The following PGGT1B variants were observed in gnomAD, a reference collection of about 807,000 sequenced individuals.
PGGT1B encodes the protein protein geranylgeranyltransferase type I subunit beta.
A neutral mutation model predicts 46.1 loss-of-function variants in PGGT1B; 30 were observed. The observed-to-expected ratio is 0.65, with a 90% CI of 0.49 to 0.88. The LOEUF is 0.88. Among genes scored for constraint, PGGT1B ranks in the 40% least tolerant of loss-of-function variants. PGGT1B has a pLI of 0.00. For missense variants in PGGT1B, 376 were observed against 455.9 expected, an observed-to-expected ratio of 0.82 and a Z score of 1.60; for synonymous variants, 170 against 160.0, an observed-to-expected ratio of 1.06 and a Z score of -0.47.
intron 1 of PGGT1B, among the ~76,000 whole-genome samples, chr5:115,254,256 GAA>G (rs1343267587): frequency 6.6e-6 from 1 of 151,930 alleles, no homozygotes; most frequent in Non-Finnish European, 1.5e-5. Flanking sequence ...TCCCTTATCT[GAA>G]ATGCTTGGGA....
At chr5:115,247,065 G>A (rs756584396) in intron 2 of PGGT1B, among the ~76,000 whole-genome samples, 3 of 152,038 alleles carry the variant, frequency 2.0e-5, no homozygotes, top group Admixed American at 6.5e-5. Context: ...TTATTTGCAC[G>A]TTTGTACATG....
chr5:115,257,960 C>T (rs1748394719), intron 1 of PGGT1B, among the ~76,000 whole-genome samples: 1 of 152,208 alleles, frequency 6.6e-6, no homozygotes, highest in Non-Finnish European at 1.5e-5. Context: ...TGAAAGACTG[C>T]ATGAATTCTG....
intron 1 of PGGT1B, among the ~76,000 whole-genome samples, chr5:115,257,577 AC>A (rs1162578240): frequency 1.3e-5 from 2 of 151,064 alleles, no homozygotes; most frequent in Non-Finnish European, 3.0e-5. Flanking sequence ...TATAGTCTGG[AC>A]AGTGGAAAAA....
At chr5:115,251,601 C>T (rs956083992) in intron 2 of PGGT1B, among the ~76,000 whole-genome samples, 1 of 152,042 alleles carries the variant, frequency 6.6e-6, no homozygotes, top group African/African-American at 2.4e-5. Context: ...CTATAACCTA[C>T]AGCTTGAGTT....
rs1401766639 is a variant in PGGT1B, at chr5:115,209,319, A to C, written c.*3083T>G. ...ACAGCGTAAAACCCAGACAGCTCTA[A>C]TGCAATCAGCAGACCTTATCATATT... On this transcript the variant is annotated 3_prime_UTR_variant, in exon 9 of 9. Coordinates refer to ENST00000419445, the MANE Select transcript of PGGT1B (RefSeq NM_005023.4). The C allele has an allele frequency of 6.6e-6, 1 of 152,084 alleles. No homozygotes were observed. Among genetic ancestry groups the C allele is most frequent in the African/African-American group, 2.4e-5 (1 of 41,438 alleles). 9.4% of individuals were successfully genotyped at this position (152,084 alleles called of 1,614,324 possible). A position where few individuals can be genotyped will look rare whatever the true frequency, so the allele number is the denominator to read the frequency against.
At chr5:115,253,738 T>C (rs1427096786) in intron 1 of PGGT1B, among the ~76,000 whole-genome samples, 2 of 152,018 alleles carry the variant, frequency 1.3e-5, no homozygotes, top group African/African-American at 4.8e-5. Flanking sequence ...GGAAAAGATT[T>C]ATAATAAGCT....
chr5:115,220,044 A>G (rs1338091924), intron 7 of PGGT1B, among the ~76,000 whole-genome samples: 2 of 151,856 alleles, frequency 1.3e-5, no homozygotes, highest in African/African-American at 4.8e-5. Context: ...CATTTCCTCA[A>G]AAAGTTAAAT....
Position 115,236,601 on chromosome 5 carries a change from T to C in PGGT1B, c.480-79A>G, listed in dbSNP as rs1757190452. On this transcript the variant is annotated intron_variant, in intron 4 of 8. Transcript: ENST00000419445. ...TTGCATGGGGGTTAGAAACACCTCC[T>C]GCTTGTCTTTACTAACAGAAAAATC... 3.6e-6 allele frequency: 3 copies of C among 833,420 alleles called. No homozygotes were observed. In the South Asian group the frequency reaches 7.6e-5, roughly 21 times the overall value. 51.6% of individuals were successfully genotyped at this position (833,420 alleles called of 1,614,324 possible).
chr5:115,252,910 C>T (rs1748165778), intron 2 of PGGT1B: 1 of 467,448 alleles, frequency 2.1e-6, no homozygotes, highest in Non-Finnish European at 3.7e-6. Flanking sequence ...GGTGCCACAA[C>T]TGTGAATCTC....
At chr5:115,237,078 TGAAA>T (rs1177240497) in intron 4 of PGGT1B, among the ~76,000 whole-genome samples, 1 of 152,204 alleles carries the variant, frequency 6.6e-6, no homozygotes, top group East Asian at 1.9e-4. Context: ...AAGACTACAC[TGAAA>T]TATTGAGACA....
intron 8 of PGGT1B, among the ~76,000 whole-genome samples, chr5:115,213,801 T>A (rs746914994): frequency 5.3e-5 from 8 of 152,062 alleles, no homozygotes; most frequent in African/African-American, 1.2e-4. Flanking sequence ...GTTCAACACA[T>A]CTTACCACAT....
At chr5:115,234,488 G>C (rs1757111971) in intron 5 of PGGT1B, among the ~76,000 whole-genome samples, 1 of 151,778 alleles carries the variant, frequency 6.6e-6, no homozygotes, top group Non-Finnish European at 1.5e-5. Flanking sequence ...CACATATTAA[G>C]TAAATAAATA....
intron 1 of PGGT1B, among the ~76,000 whole-genome samples, chr5:115,254,387 T>C (rs1420203363): frequency 6.6e-6 from 1 of 152,090 alleles, no homozygotes; most frequent in Non-Finnish European, 1.5e-5. Flanking sequence ...AAATTTCATA[T>C]ACATCTTACA....
At chr5:115,222,053 C>A in intron 6 of PGGT1B, 45 bp from the exon 7 acceptor site, 2 of 1,181,906 alleles carry the variant, frequency 1.7e-6, no homozygotes, top group Non-Finnish European at 2.3e-6. Flanking sequence ...AAATTAGATG[C>A]TTATGAAAAT....
rs1756296366 is a variant in PGGT1B at position 115,213,261 on chromosome 5, T to C, written c.953-678A>G. Among the ~76,000 whole-genome samples, 4 of 152,222 alleles carry C rather than the reference T, an allele frequency of 2.6e-5. 1 individual carries two copies. In the South Asian group the frequency reaches 8.3e-4, roughly 32 times the overall value. The stretch of plus-strand genomic sequence containing the variant: ...TGCTCATACCATGACAATTCTGCAC[T>C]GGCTCACTAGTTTCCCATCTTTCAG... On this transcript the variant is annotated intron_variant, in intron 8 of 8. Transcript: ENST00000419445.
In PGGT1B at chr5:115,216,653, T is replaced by C. The variant is rs2053697; in HGVS notation, c.952+212A>G. Among the ~76,000 whole-genome samples, 72,877 of 152,014 alleles carry C rather than the reference T, an allele frequency of 0.48. 18,091 individuals carry two copies. The highest frequency in any genetic ancestry group is 0.83 in the East Asian group (4,319 of 5,182). On this transcript the variant is annotated intron_variant, in intron 8 of 8. Transcript: ENST00000419445. Reference sequence around the variant, plus strand: ...AAAATATTTGGGAAAAAATGCACACTATTCCCATGCATCTTGATAATAAAC... The same window carrying C: ...AAAATATTTGGGAAAAAATGCACACCATTCCCATGCATCTTGATAATAAAC...
At chr5:115,234,952 G>A (rs1757130158) in intron 5 of PGGT1B, among the ~76,000 whole-genome samples, 1 of 151,814 alleles carries the variant, frequency 6.6e-6, no homozygotes, top group African/African-American at 2.4e-5. Context: ...TAATGACATC[G>A]CAATACCAAT....
intron 2 of PGGT1B, among the ~76,000 whole-genome samples, chr5:115,250,977 T>C (rs928015958): frequency 6.6e-6 from 1 of 152,202 alleles, no homozygotes; most frequent in Non-Finnish European, 1.5e-5. Context: ...TTCCATGGTG[T>C]GAATATGCTA....
intron 6 of PGGT1B, among the ~76,000 whole-genome samples, 191 bp from the exon 7 acceptor site, chr5:115,222,199 A>C (rs575438755): frequency 3.3e-5 from 5 of 152,332 alleles, no homozygotes; most frequent in Admixed American, 1.3e-4. Context: ...AGAGAATATA[A>C]AGCTATAAGA....
Sources: gnomAD v4.1 joint callset for allele counts (sites outside exome capture counted in the v4.1 genomes callset) on GRCh38, gnomAD v4.1.1 for gene constraint, MANE v1.5 for transcripts, NCBI Gene and HGNC (gene_info 2026-07-23, HGNC 2026-07-21) for gene names.